Variants in C14orf132 observed in about 807,000 individuals in gnomAD.
C14orf132 encodes the protein uncharacterized protein C14orf132.
In C14orf132, 6 loss-of-function variants were observed where a neutral mutation model predicts 5.8. That is an observed-to-expected ratio of 1.03 (90% CI 0.57 to 2.04). The LOEUF is 2.04. C14orf132 is among the 30% of genes most tolerant of loss of function. The pLI is 0.00. For synonymous variants in C14orf132, 51 were observed against 49.8 expected (o/e 1.02, Z -0.10); for missense variants, 125 against 115.8 (o/e 1.08, Z -0.37).
intron 1 of C14orf132, among the ~76,000 whole-genome samples, chr14:96,077,243 G>A (rs1300401300): frequency 6.6e-6 from 1 of 152,188 alleles, no homozygotes. Context: ...GCTGAGGTGT[G>A]ATAATTTTGG....
At chr14:96,072,001 T>TTTGGAG (rs1223527658) in intron 1 of C14orf132, among the ~76,000 whole-genome samples, 1 of 152,174 alleles carries the variant, frequency 6.6e-6, no homozygotes, top group Non-Finnish European at 1.5e-5. Flanking sequence ...AGAAGCTCTT[T>TTTGGAG]TTGGAGTTGC....
At chr14:96,077,771 C>T (rs1477852495) in intron 1 of C14orf132, among the ~76,000 whole-genome samples, 3 of 152,222 alleles carry the variant, frequency 2.0e-5, no homozygotes, top group African/African-American at 7.2e-5. Context: ...TTCTCTGTCA[C>T]CTTCTATAAG....
At chr14:96,067,964 G>C (rs1887581269) in intron 1 of C14orf132, among the ~76,000 whole-genome samples, 1 of 152,182 alleles carries the variant, frequency 6.6e-6, no homozygotes, top group Non-Finnish European at 1.5e-5. Flanking sequence ...CCACCTCATA[G>C]GGTTGCGATA....
intron 1 of C14orf132, among the ~76,000 whole-genome samples, chr14:96,077,040 G>T (rs1255763868): frequency 6.6e-6 from 1 of 152,186 alleles, no homozygotes; most frequent in Non-Finnish European, 1.5e-5. Context: ...CTTTAAGCTT[G>T]TGAAGGTTTG....
intron 1 of C14orf132, among the ~76,000 whole-genome samples, chr14:96,079,876 T>C (rs1054705405): frequency 3.9e-5 from 6 of 152,204 alleles, no homozygotes; most frequent in African/African-American, 1.4e-4. Flanking sequence ...TAGCCACATA[T>C]TGAGTTGTCA....
chr14:96,059,710 C>T (rs995581150), intron 1 of C14orf132, among the ~76,000 whole-genome samples: 2 of 152,206 alleles, frequency 1.3e-5, no homozygotes, highest in African/African-American at 4.8e-5. Context: ...ACTGCTTCAG[C>T]CCTTGGTCCC....
intron 1 of C14orf132, among the ~76,000 whole-genome samples, chr14:96,054,124 T>C (rs1278552118): frequency 6.6e-6 from 1 of 152,142 alleles, no homozygotes; most frequent in African/African-American, 2.4e-5. Context: ...AAACCGCCCA[T>C]GTAGAAGCAC....
rs933179264 is a variant in C14orf132, at chr14:96,039,641, C to T, written c.27+114C>T. 2.7e-5 allele frequency: 31 copies of T among 1,143,020 alleles called. No homozygotes were observed. The highest frequency in any genetic ancestry group is 3.6e-5 in the Non-Finnish European group (31 of 862,092). The allele number at this position is 1,143,020 out of a possible 1,614,324, so 70.8% of individuals were successfully genotyped here. A position where few individuals can be genotyped will look rare whatever the true frequency, so the allele number is the denominator to read the frequency against. ...AGTGGCGCCCGCCCGCGATCCGCGT[C>T]CCGGTCCTTTGTCCCGAGCCGGACA... is the stretch of plus-strand genomic sequence containing the variant. On this transcript the variant is annotated intron_variant, in intron 1 of 1. Coordinates refer to ENST00000555004, the MANE Select transcript of C14orf132 (RefSeq NM_001252507.3). The surrounding 1 kb of genome is among the most constrained non-coding windows in gnomAD (Gnocchi z 5.3).
rs1021014125 is a variant in C14orf132, at chr14:96,092,618, G to T, written c.*5883G>T. ...TTGTCCCAACAATGCAGATGGTTCT[G>T]ACAAGGGCTCTATATGCTGGCAGAA... On this transcript the variant is annotated 3_prime_UTR_variant, in exon 2 of 2. Coordinates refer to ENST00000555004, the MANE Select transcript of C14orf132 (RefSeq NM_001252507.3). The T allele has an allele frequency of 6.6e-6, 1 of 151,264 alleles. No individual in the cohort carries two copies. The highest frequency in any genetic ancestry group is 6.6e-5 in the Admixed American group (1 of 15,158). The allele number at this position is 151,264 out of a possible 1,614,324, so 9.4% of individuals were successfully genotyped here.
intron 1 of C14orf132, among the ~76,000 whole-genome samples, chr14:96,040,701 C>G (rs1886668951): frequency 6.6e-6 from 1 of 151,996 alleles, no homozygotes. Context: ...TCCGGCAGCC[C>G]CTTAAGTTTT....
intron 1 of C14orf132, chr14:96,040,393 A>G (rs1348234962): frequency 2.5e-6 from 1 of 397,268 alleles, no homozygotes; most frequent in Non-Finnish European, 4.4e-6. Flanking sequence ...CCAAAGCCAC[A>G]TCTTGCACCT....
intron 1 of C14orf132, among the ~76,000 whole-genome samples, chr14:96,066,781 G>A (rs922366725): frequency 7.2e-5 from 11 of 152,098 alleles, no homozygotes; most frequent in African/African-American, 2.7e-4. Context: ...ATAATATATT[G>A]TAATGTAATA....
intron 1 of C14orf132, chr14:96,051,075 G>C (rs1887011618): frequency 2.5e-6 from 1 of 398,084 alleles, no homozygotes. Context: ...CTTTCTCCCT[G>C]TCTCCCAAAT....
intron 1 of C14orf132, among the ~76,000 whole-genome samples, chr14:96,064,487 A>G (rs1044310980): frequency 1.5e-4 from 23 of 151,350 alleles, no homozygotes; most frequent in Non-Finnish European, 2.4e-4. Context: ...ATGGACTACT[A>G]GGCAGCCATA....
chr14:96,084,228 A>G (rs1257796932), intron 1 of C14orf132, among the ~76,000 whole-genome samples: 3 of 152,202 alleles, frequency 2.0e-5, no homozygotes, highest in Non-Finnish European at 4.4e-5. Context: ...ACAAGAAGCA[A>G]TGAGTGGGAA....
At chr14:96,066,025 G>A (rs1887517946) in intron 1 of C14orf132, among the ~76,000 whole-genome samples, 1 of 152,130 alleles carries the variant, frequency 6.6e-6, no homozygotes, top group African/African-American at 2.4e-5. Context: ...AGCCAACAGA[G>A]GCACAGCCTC....
chr14:96,073,101 A>C (rs1345745821), intron 1 of C14orf132, among the ~76,000 whole-genome samples: 3 of 152,202 alleles, frequency 2.0e-5, no homozygotes, highest in Non-Finnish European at 4.4e-5. Context: ...ACAGCAAGGT[A>C]CAAGAGTTCT....
In C14orf132 at chr14:96,090,391, A is replaced by T; in HGVS notation, c.*3656A>T. On this transcript the variant is annotated 3_prime_UTR_variant, in exon 2 of 2. Coordinates refer to ENST00000555004, the MANE Select transcript of C14orf132 (RefSeq NM_001252507.3). ...GGGCAACAGAACGAGACTCTGTCTCAAAAAAAAAAAAAAAGAAAAGAAAAA... is the reference window on the plus strand; with the variant it reads ...GGGCAACAGAACGAGACTCTGTCTCTAAAAAAAAAAAAAAGAAAAGAAAAA... The T allele has an allele frequency of 1.0e-5, 1 of 98,726 alleles. No homozygotes were observed. The highest frequency in any genetic ancestry group is 2.5e-5 in the Non-Finnish European group (1 of 40,154). 6.1% of individuals were successfully genotyped at this position (98,726 alleles called of 1,614,324 possible).
At chr14:96,042,865 T>C (rs1219496517) in intron 1 of C14orf132, among the ~76,000 whole-genome samples, 2 of 152,194 alleles carry the variant, frequency 1.3e-5, no homozygotes, top group African/African-American at 2.4e-5. Context: ...CTGGTGACTC[T>C]GGAGGATGTG....
Sources: gnomAD v4.1 joint callset for allele counts (sites outside exome capture counted in the v4.1 genomes callset) on GRCh38, gnomAD v4.1.1 for gene constraint, Gnocchi (gnomAD v3.1) non-coding constraint, MANE v1.5 for transcripts, NCBI Gene and HGNC (gene_info 2026-07-23, HGNC 2026-07-21) for gene names.